DLG2: variants seen among roughly 807,000 people sequenced by gnomAD.
The protein encoded by DLG2 is disks large homolog 2.
Under a neutral mutation model 132.5 loss-of-function variants are expected in DLG2, and 45 were observed. The ratio of observed to expected loss-of-function variants is 0.34; its 90% CI spans 0.27 to 0.44. The LOEUF is 0.44. DLG2 is among the 20% of genes least tolerant of loss of function. DLG2 has a pLI of 1.00. For synonymous variants in DLG2, 424 were observed against 419.6 expected (o/e 1.01, Z -0.13); for missense variants, 1,045 against 1,196.9 (o/e 0.87, Z 1.87).
At chr11:83,871,003 C>G (rs984289689) in intron 16 of DLG2, among the ~76,000 whole-genome samples, 1 of 152,172 alleles carries the variant, frequency 6.6e-6, no homozygotes, top group Non-Finnish European at 1.5e-5. Flanking sequence ...GCTGAGATTA[C>G]TTTGTTTTTC....
At chr11:85,450,641 G>A (rs2092205312) in intron 3 of DLG2, among the ~76,000 whole-genome samples, 1 of 152,054 alleles carries the variant, frequency 6.6e-6, no homozygotes, top group Non-Finnish European at 1.5e-5. Flanking sequence ...AATTTTGCTG[G>A]TAATGAAACT....
chr11:83,979,309 C>T (rs1013382719), intron 12 of DLG2, among the ~76,000 whole-genome samples: 9 of 152,204 alleles, frequency 5.9e-5, no homozygotes, highest in Admixed American at 5.9e-4. Context: ...GGGGGTTGAT[C>T]CTCCCCAGAC....
In DLG2 at chr11:83,833,175, T is replaced by C. The variant is rs374997277; in HGVS notation, c.1722+439A>G. ...CATGTAGACCATGCTTGATGGCTCA[T>C]GCCTGTAATCCCAGCACTTTGGGAG... On this transcript the variant is annotated intron_variant, in intron 17 of 27. Coordinates refer to ENST00000376104, the MANE Select transcript of DLG2 (RefSeq NM_001142699.3). Among the ~76,000 whole-genome samples the C allele has an allele frequency of 9.2e-5, 14 of 152,296 alleles. No homozygotes were observed. In the East Asian group the frequency reaches 2.5e-3, roughly 27 times the overall value.
At chr11:85,321,183 A>G (rs1017976690) in intron 3 of DLG2, among the ~76,000 whole-genome samples, 2 of 151,918 alleles carry the variant, frequency 1.3e-5, no homozygotes, top group African/African-American at 2.4e-5. Context: ...ATTTTTGCCT[A>G]TAGACTACAT....
intron 20 of DLG2, 37 bp from the exon 21 acceptor site, chr11:83,532,820 C>T: frequency 6.3e-7 from 1 of 1,578,814 alleles, no homozygotes; most frequent in Non-Finnish European, 8.7e-7. Flanking sequence ...TCTCACGTGA[C>T]AAGGCATTTA....
intron 6 of DLG2, among the ~76,000 whole-genome samples, chr11:84,936,157 G>A (rs923245240): frequency 2.0e-5 from 3 of 152,074 alleles, no homozygotes; most frequent in African/African-American, 4.8e-5. Context: ...TTAGGCCTAC[G>A]ATACTGTATA....
chr11:83,624,433 CA>C (rs1231942974), intron 19 of DLG2, among the ~76,000 whole-genome samples: 1 of 152,224 alleles, frequency 6.6e-6, no homozygotes, highest in Non-Finnish European at 1.5e-5. Flanking sequence ...TGCCTAAAGA[CA>C]AAGCCTTTTA....
chr11:84,539,170 A>C (rs2099362215), intron 6 of DLG2, among the ~76,000 whole-genome samples: 1 of 152,168 alleles, frequency 6.6e-6, no homozygotes, highest in Non-Finnish European at 1.5e-5. Flanking sequence ...TATTCTCTTT[A>C]TCTTAGACTC....
intron 18 of DLG2, among the ~76,000 whole-genome samples, chr11:83,745,585 C>G (rs1264040895): frequency 6.6e-6 from 1 of 152,034 alleles, no homozygotes; most frequent in Non-Finnish European, 1.5e-5. Context: ...AGATGGATCA[C>G]AAGGTCAGGA....
chr11:85,514,234 A>G (rs146602033), intron 3 of DLG2, among the ~76,000 whole-genome samples: 118 of 152,138 alleles, frequency 7.8e-4, no homozygotes, highest in Non-Finnish European at 1.4e-3. Context: ...AGATACTAGT[A>G]TCCCTGTTAA....
intron 6 of DLG2, among the ~76,000 whole-genome samples, chr11:84,823,682 C>T (rs993501608): frequency 2.0e-5 from 3 of 151,172 alleles, no homozygotes; most frequent in African/African-American, 7.3e-5. Flanking sequence ...TATATCATCA[C>T]TCAACATAAA....
chr11:84,476,046 C>T (rs1252619112), intron 7 of DLG2, among the ~76,000 whole-genome samples: 1 of 152,080 alleles, frequency 6.6e-6, no homozygotes, highest in Non-Finnish European at 1.5e-5. Context: ...TTTATGCACC[C>T]TGTACTTCAA....
intron 6 of DLG2, among the ~76,000 whole-genome samples, chr11:85,053,602 C>G (rs1212843397): frequency 7.3e-6 from 1 of 137,110 alleles, no homozygotes; most frequent in African/African-American, 2.8e-5. Flanking sequence ...TCCTGCCTAA[C>G]ACGGTGAAAC....
chr11:84,688,495 A>C (rs1295564173), intron 6 of DLG2, among the ~76,000 whole-genome samples: 1 of 152,214 alleles, frequency 6.6e-6, no homozygotes, highest in Admixed American at 6.5e-5. Flanking sequence ...TCACTGATTT[A>C]CATAGGTATT....
rs1482539886 is a variant in DLG2 at position 83,952,038 on chromosome 11, G to A, written c.1340+10847C>T. On this transcript the variant is annotated intron_variant, in intron 14 of 27. Coordinates refer to ENST00000376104, the MANE Select transcript of DLG2 (RefSeq NM_001142699.3). The stretch of plus-strand genomic sequence containing the variant: ...CCTGAGCAACAGCTCCCATAGAACC[G>A]TCATTTATTAAGAAGAGGAAGACAA... Among the ~76,000 whole-genome samples, 7 of 152,060 alleles carry A rather than the reference G, an allele frequency of 4.6e-5. No homozygotes were observed. In the South Asian group the frequency reaches 8.3e-4, roughly 18 times the overall value.
intron 3 of DLG2, among the ~76,000 whole-genome samples, chr11:85,295,388 T>C (rs1248104723): frequency 6.6e-6 from 1 of 152,178 alleles, no homozygotes; most frequent in African/African-American, 2.4e-5. Flanking sequence ...AAATTAGCAT[T>C]TGCCATTTAC....
chr11:84,989,988 C>A (rs1032666252), intron 6 of DLG2, among the ~76,000 whole-genome samples: 4 of 152,006 alleles, frequency 2.6e-5, no homozygotes, highest in African/African-American at 9.7e-5. Flanking sequence ...AATTACAATC[C>A]ATAAAAAGAA....
At chr11:84,448,788 C>A (rs978639165) in intron 7 of DLG2, among the ~76,000 whole-genome samples, 1 of 152,002 alleles carries the variant, frequency 6.6e-6, no homozygotes, top group Non-Finnish European at 1.5e-5. Flanking sequence ...CTATGAAACA[C>A]TCAAGAAAAG....
intron 4 of DLG2, among the ~76,000 whole-genome samples, chr11:85,281,739 A>G (rs1056669777): frequency 8.6e-5 from 13 of 152,000 alleles, no homozygotes; most frequent in Non-Finnish European, 1.0e-4. Context: ...AGAATGGGGA[A>G]CCCTTGTACA....
Sources: gnomAD v4.1 joint callset for allele counts (sites outside exome capture counted in the v4.1 genomes callset) on GRCh38, gnomAD v4.1.1 for gene constraint, MANE v1.5 for transcripts, NCBI Gene and HGNC (gene_info 2026-07-23, HGNC 2026-07-21) for gene names.